Variants in VAV2 observed in about 807,000 individuals in gnomAD.
VAV2 encodes the protein vav guanine nucleotide exchange factor 2.
In VAV2, 67 loss-of-function variants were observed where a neutral mutation model predicts 132.5. The observed-to-expected ratio is 0.51, with a 90% CI of 0.42 to 0.62. The LOEUF (loss-of-function observed/expected upper bound fraction) is 0.62, where lower values mean the gene tolerates loss of function less well. Ranked by LOEUF, VAV2 falls within the 20% of genes least tolerant of loss-of-function variation. The pLI is 0.00. For missense variants in VAV2, 938 were observed against 1,153.6 expected (o/e 0.81, Z 2.71); for synonymous variants, 492 against 443.5 (o/e 1.11, Z -1.37).
intron 2 of VAV2, among the ~76,000 whole-genome samples, chr9:133,925,276 G>C (rs543755013): frequency 6.6e-6 from 1 of 152,176 alleles, no homozygotes; most frequent in East Asian, 1.9e-4. Context: ...GAGTGCAGTG[G>C]CACAATCTTG....
rs1564434909 is a variant in VAV2 at position 133,885,296 on chromosome 9, G to A, written c.322-23864C>T. The stretch of plus-strand genomic sequence containing the variant: ...GTCCATGTCCAGCCGCAGTGGAAGC[G>A]CCTGCCCTGCCCAGCTGCACTGTCT... On this transcript the variant is annotated intron_variant, in intron 2 of 29. Coordinates refer to ENST00000371850, the MANE Select transcript of VAV2 (RefSeq NM_001134398.2). The surrounding 1 kb of genome is among the most constrained non-coding windows in gnomAD (Gnocchi z 5.0). Among the ~76,000 whole-genome samples, 1 of 152,230 alleles carries A rather than the reference G, an allele frequency of 6.6e-6. No homozygotes were observed. The highest frequency in any genetic ancestry group is 1.5e-5 in the Non-Finnish European group (1 of 68,044).
At position 133,926,989 on chromosome 9, in the gene VAV2, C is replaced by T. The variant is rs1410306601; in HGVS notation, c.321+12114G>A. ...AAAAATCAATGCAATTCTGCAAACA[C>T]CGGGCAGCCTGTCACAGACACCCGC... On this transcript the variant is annotated intron_variant, in intron 2 of 29. Transcript: ENST00000371850. This position sits in a 1 kb window ranked among gnomAD's most constrained non-coding sequence, Gnocchi z 4.3. Among the ~76,000 whole-genome samples the T allele has an allele frequency of 6.6e-6, 1 of 152,204 alleles. No individual in the cohort carries two copies. Among genetic ancestry groups the T allele is most frequent in the African/African-American group, 2.4e-5 (1 of 41,442 alleles).
chr9:133,913,741 C>T (rs1839962216), intron 2 of VAV2, among the ~76,000 whole-genome samples: 3 of 152,258 alleles, frequency 2.0e-5, no homozygotes, highest in African/African-American at 7.2e-5. Flanking sequence ...TGCTCAGATG[C>T]CAGGCCTTGG....
At chr9:133,806,788 T>C (rs1036295383) in intron 8 of VAV2, among the ~76,000 whole-genome samples, 2 of 152,224 alleles carry the variant, frequency 1.3e-5, no homozygotes, top group African/African-American at 2.4e-5. Context: ...AGGAGCAGCA[T>C]GTCCCCGGAG....
chr9:133,790,670 C>A (rs1246329346), intron 13 of VAV2, among the ~76,000 whole-genome samples: 1 of 152,198 alleles, frequency 6.6e-6, no homozygotes, highest in East Asian at 1.9e-4. Flanking sequence ...TGCACCCACA[C>A]ATTTTAATTT....
intron 2 of VAV2, among the ~76,000 whole-genome samples, chr9:133,910,547 A>G (rs1271789570): frequency 1.3e-5 from 2 of 151,922 alleles, no homozygotes; most frequent in Non-Finnish European, 2.9e-5. Flanking sequence ...GCGGTGGCTC[A>G]CACCTGTAAT....
chr9:133,932,184 C>A (rs1840711436), intron 2 of VAV2, among the ~76,000 whole-genome samples: 2 of 152,244 alleles, frequency 1.3e-5, no homozygotes, highest in African/African-American at 4.8e-5. Flanking sequence ...GCCGCCAGAG[C>A]TGGCGACCCA....
At chr9:133,968,883 G>A (rs964904724) in intron 1 of VAV2, among the ~76,000 whole-genome samples, 1 of 152,180 alleles carries the variant, frequency 6.6e-6, no homozygotes, top group Non-Finnish European at 1.5e-5. Flanking sequence ...TGCAGCAAAT[G>A]TGCCTCACTG....
At chr9:133,983,181 G>A (rs1028082544) in intron 1 of VAV2, among the ~76,000 whole-genome samples, 1 of 152,272 alleles carries the variant, frequency 6.6e-6, no homozygotes, top group African/African-American at 2.4e-5. Context: ...GGTTGCCAAC[G>A]CTGTCCCTGT....
At chr9:133,933,489 A>ATGGATGGTGAATGGATGAG (rs1554811920) in intron 2 of VAV2, among the ~76,000 whole-genome samples, 1 of 18,726 alleles carries the variant, frequency 5.3e-5, no homozygotes, top group Non-Finnish European at 1.8e-4. Flanking sequence ...GAGTGGATGG[A>ATGGATGGTGAATGGATGAG]TGGATGGATG....
At chr9:133,795,430 C>T (rs1353520665) in intron 12 of VAV2, among the ~76,000 whole-genome samples, 1 of 152,106 alleles carries the variant, frequency 6.6e-6, no homozygotes, top group Non-Finnish European at 1.5e-5. Flanking sequence ...TCTTGTTGGA[C>T]AGGTGAGGTT....
At chr9:133,783,372 T>A (rs371081311) in intron 19 of VAV2, 131 bp downstream of exon 19, 10 of 814,576 alleles carry the variant, frequency 1.2e-5, no homozygotes, top group African/African-American at 5.1e-5. Flanking sequence ...CTGGGGCACG[T>A]GAGCACTGGT....
chr9:133,858,752 A>T (rs1275625208), intron 3 of VAV2, among the ~76,000 whole-genome samples: 1 of 152,184 alleles, frequency 6.6e-6, no homozygotes, highest in Non-Finnish European at 1.5e-5. Flanking sequence ...CATCTCCGGC[A>T]TGAGGTCCAC....
At chr9:133,987,373 G>A (rs1202688712) in intron 1 of VAV2, among the ~76,000 whole-genome samples, 1 of 152,248 alleles carries the variant, frequency 6.6e-6, no homozygotes. Flanking sequence ...GAAACCCAAG[G>A]AGGCTGCCAA....
intron 13 of VAV2, among the ~76,000 whole-genome samples, chr9:133,791,276 A>C (rs1834448029): frequency 6.6e-6 from 1 of 152,092 alleles, no homozygotes; most frequent in Non-Finnish European, 1.5e-5. Flanking sequence ...GGGGAGCCCC[A>C]GGAGGTGGCA....
rs77402507 is a variant in VAV2 at position 133,961,598 on chromosome 9, C to T, written c.205-22379G>A. Among the ~76,000 whole-genome samples, 2,909 of 152,296 alleles carry T rather than the reference C, an allele frequency of 0.019. 93 individuals carry two copies. Among genetic ancestry groups the T allele is most frequent in the African/African-American group, 0.066 (2,745 of 41,540 alleles). ...ATAATGCCCTCTGACCTCACAAAGA[C>T]CCACGGGGCTGGTTTGGGAGGCCCA... On this transcript the variant is annotated intron_variant, in intron 1 of 29. Transcript: ENST00000371850. This position sits in a 1 kb window ranked among gnomAD's most constrained non-coding sequence, Gnocchi z 4.1.
chr9:133,823,507 G>T lies in VAV2; in HGVS notation c.449+10765C>A, dbSNP rs1835871916. ...AGAGCAATATTTCTTAAGTGCCACTGTGTGTCAGTCAGATCTACGCTGAAT... is the reference window on the plus strand; with the variant it reads ...AGAGCAATATTTCTTAAGTGCCACTTTGTGTCAGTCAGATCTACGCTGAAT... On this transcript the variant is annotated intron_variant, in intron 4 of 29. Coordinates refer to ENST00000371850, the MANE Select transcript of VAV2 (RefSeq NM_001134398.2). The surrounding 1 kb of genome is among the most constrained non-coding windows in gnomAD (Gnocchi z 5.5). Among the ~76,000 whole-genome samples the T allele has an allele frequency of 6.6e-6, 1 of 152,218 alleles. No individual in the cohort carries two copies. The highest frequency in any genetic ancestry group is 1.5e-5 in the Non-Finnish European group (1 of 68,030).
At position 133,826,518 on chromosome 9, in the gene VAV2, C is replaced by T. The variant is rs2131747415; in HGVS notation, c.449+7754G>A. ...GGAGTGGCGGGGTGCCTTCCCACAG[C>T]AGCCTGTGAGGTTGCAGGACCCTGC... On this transcript the variant is annotated intron_variant, in intron 4 of 29. Coordinates refer to ENST00000371850, the MANE Select transcript of VAV2 (RefSeq NM_001134398.2). The surrounding 1 kb of genome is among the most constrained non-coding windows in gnomAD (Gnocchi z 4.2). Among the ~76,000 whole-genome samples, 1 of 152,284 alleles carries T rather than the reference C, an allele frequency of 6.6e-6. No homozygotes were observed. Among genetic ancestry groups the T allele is most frequent in the Middle Eastern group, 3.4e-3 (1 of 294 alleles).
At position 133,827,633 on chromosome 9, in the gene VAV2, G is replaced by GGC. The variant is rs1836075376; in HGVS notation, c.449+6638_449+6639insGC. 2.1e-4 allele frequency among the ~76,000 whole-genome samples: 4 copies of GGC among 19,200 alleles called. 1 individual carries two copies. The highest frequency in any genetic ancestry group is 1.7e-3 in the Non-Finnish European group (4 of 2,382). 12.6% of individuals were successfully genotyped at this position (19,200 alleles called of 152,430 possible). On this transcript the variant is annotated intron_variant, in intron 4 of 29. Coordinates refer to ENST00000371850, the MANE Select transcript of VAV2 (RefSeq NM_001134398.2). The stretch of plus-strand genomic sequence containing the variant: ...TGTGCCCACTGAGGCTGACCACTGA[G>GGC]TGGGGGCATCACCACCTACCGCTGC...
Sources: gnomAD v4.1 joint callset for allele counts (sites outside exome capture counted in the v4.1 genomes callset) on GRCh38, gnomAD v4.1.1 for gene constraint, Gnocchi (gnomAD v3.1) non-coding constraint, MANE v1.5 for transcripts, NCBI Gene and HGNC (gene_info 2026-07-23, HGNC 2026-07-21) for gene names.